The following CTNNA3 variants were observed in gnomAD, a reference collection of about 807,000 sequenced individuals.
The protein encoded by CTNNA3 is catenin alpha 3.
A neutral mutation model predicts 95.7 loss-of-function variants in CTNNA3; 76 were observed. That is an observed-to-expected ratio of 0.79 (90% CI 0.66 to 0.96). CTNNA3 has a LOEUF of 0.96. CTNNA3 is among the 40% of genes least tolerant of loss of function. CTNNA3 has a pLI of 0.00. For missense variants in CTNNA3, 1,191 were observed against 1,089.8 expected, an observed-to-expected ratio of 1.09 and a Z score of -1.31; for synonymous variants, 431 against 374.4, an observed-to-expected ratio of 1.15 and a Z score of -1.74.
intron 7 of CTNNA3, among the ~76,000 whole-genome samples, chr10:66,881,893 G>A (rs1012033483): frequency 3.9e-5 from 6 of 152,046 alleles, no homozygotes; most frequent in East Asian, 1.9e-4. Context: ...GGTAATGTAC[G>A]ATGACAAACT....
chr10:66,992,079 C>A (rs1463903708), intron 7 of CTNNA3, among the ~76,000 whole-genome samples: 1 of 152,120 alleles, frequency 6.6e-6, no homozygotes, highest in Non-Finnish European at 1.5e-5. Context: ...ACTTCCTCAG[C>A]CTTATCAGAT....
intron 14 of CTNNA3, among the ~76,000 whole-genome samples, chr10:66,087,953 T>C (rs1368436850): frequency 6.6e-6 from 1 of 152,120 alleles, no homozygotes; most frequent in Non-Finnish European, 1.5e-5. Flanking sequence ...GCTTTAATAA[T>C]GTATGCTTCA....
At chr10:66,541,066 G>A (rs1320324930) in intron 10 of CTNNA3, among the ~76,000 whole-genome samples, 1 of 152,008 alleles carries the variant, frequency 6.6e-6, no homozygotes, top group Non-Finnish European at 1.5e-5. Flanking sequence ...AAAAAAACCT[G>A]TTAATAATAA....
At chr10:66,779,883 AG>A (rs1219934210) in intron 7 of CTNNA3, among the ~76,000 whole-genome samples, 1 of 152,198 alleles carries the variant, frequency 6.6e-6, no homozygotes, top group Non-Finnish European at 1.5e-5. Context: ...GCTGCCTTTC[AG>A]GTGCACAAAT....
chr10:67,278,573 A>G (rs554031159), intron 5 of CTNNA3, among the ~76,000 whole-genome samples: 2 of 152,274 alleles, frequency 1.3e-5, no homozygotes, highest in East Asian at 3.9e-4. Context: ...ACCAAGTTTT[A>G]TTGTGCAGAG....
chr10:67,153,926 C>A (rs1564928123), intron 7 of CTNNA3, among the ~76,000 whole-genome samples: 1 of 151,784 alleles, frequency 6.6e-6, no homozygotes, highest in Non-Finnish European at 1.5e-5. Flanking sequence ...ATTCAAGGAA[C>A]AAAAAGTAGA....
intron 2 of CTNNA3, among the ~76,000 whole-genome samples, chr10:67,617,676 C>T (rs1843696433): frequency 1.3e-5 from 2 of 151,808 alleles, no homozygotes; most frequent in East Asian, 1.9e-4. Context: ...GAGGAACTGC[C>T]GCACTGTTTT....
rs149336706 is a variant in CTNNA3 at position 67,706,616 on chromosome 10, G to A, written c.-2+56818C>T. Among the ~76,000 whole-genome samples the A allele has an allele frequency of 6.4e-3, 972 of 152,182 alleles. 11 individuals carry two copies. Among genetic ancestry groups the A allele is most frequent in the African/African-American group, 0.022 (926 of 41,520 alleles). On this transcript the variant is annotated intron_variant, in intron 1 of 17. Transcript: ENST00000684154. ...GTCAGTGCTGGGGGAAAGGGAGGGA[G>A]ATTTAAATTAGAATGAAATGGAAGT...
At chr10:66,409,619 G>A (rs16923048) in intron 11 of CTNNA3, among the ~76,000 whole-genome samples, 2,411 of 152,128 alleles carry the variant, frequency 0.016, 65 homozygotes, top group African/African-American at 0.056. Flanking sequence ...AGAACTCAAC[G>A]GATATACTCT....
At chr10:66,961,730 T>C (rs1343720007) in intron 7 of CTNNA3, among the ~76,000 whole-genome samples, 1 of 152,144 alleles carries the variant, frequency 6.6e-6, no homozygotes, top group Admixed American at 6.5e-5. Context: ...ATATTAAGTT[T>C]GAAATGTCTA....
chr10:67,129,857 C>T (rs1343801512), intron 7 of CTNNA3, among the ~76,000 whole-genome samples: 29 of 152,016 alleles, frequency 1.9e-4, no homozygotes, highest in Admixed American at 1.9e-3. Context: ...ATGTGGCCAC[C>T]ATGATTGTGA....
intron 7 of CTNNA3, among the ~76,000 whole-genome samples, chr10:66,809,709 A>G (rs975483708): frequency 2.1e-4 from 32 of 152,146 alleles, no homozygotes; most frequent in African/African-American, 7.5e-4. Context: ...TCTTAATATT[A>G]TATGATGGTT....
chr10:67,173,874 T>C (rs979844032), intron 7 of CTNNA3, among the ~76,000 whole-genome samples: 2 of 152,186 alleles, frequency 1.3e-5, no homozygotes, highest in Non-Finnish European at 2.9e-5. Flanking sequence ...GTTGGAACAA[T>C]CCACAAAGTG....
At chr10:66,240,313 T>G (rs2132036434) in intron 13 of CTNNA3, among the ~76,000 whole-genome samples, 1 of 152,200 alleles carries the variant, frequency 6.6e-6, no homozygotes, top group African/African-American at 2.4e-5. Flanking sequence ...AACATTAACT[T>G]ATGTAAACGG....
intron 7 of CTNNA3, among the ~76,000 whole-genome samples, chr10:67,152,810 G>A (rs559437157): frequency 6.6e-6 from 1 of 152,222 alleles, no homozygotes; most frequent in African/African-American, 2.4e-5. Flanking sequence ...GCTTATAGCT[G>A]TCTTTCCAGA....
intron 13 of CTNNA3, among the ~76,000 whole-genome samples, chr10:66,201,045 A>G (rs1277442374): frequency 6.6e-6 from 1 of 152,192 alleles, no homozygotes; most frequent in Non-Finnish European, 1.5e-5. Context: ...ACTTCATAAC[A>G]GCACTTATCA....
chr10:66,536,908 G>T (rs1424565655), intron 10 of CTNNA3, among the ~76,000 whole-genome samples: 1 of 151,998 alleles, frequency 6.6e-6, no homozygotes, highest in Non-Finnish European at 1.5e-5. Flanking sequence ...ATATAGGAAG[G>T]AATTTTATGT....
chr10:67,658,157 C>T (rs1840079509), intron 1 of CTNNA3, among the ~76,000 whole-genome samples: 1 of 152,174 alleles, frequency 6.6e-6, no homozygotes, highest in Non-Finnish European at 1.5e-5. Flanking sequence ...GGGTGAGAAT[C>T]CAGGCTCTGT....
At chr10:65,982,527 A>G (rs926456211) in intron 16 of CTNNA3, among the ~76,000 whole-genome samples, 1 of 114,502 alleles carries the variant, frequency 8.7e-6, no homozygotes, top group Non-Finnish European at 1.8e-5. Context: ...AAAAAAAGGC[A>G]TTATACGAAA....
Sources: allele counts gnomAD v4.1 joint callset (sites outside exome capture counted in the v4.1 genomes callset), GRCh38; gene constraint gnomAD v4.1.1; transcripts MANE v1.5; gene names NCBI Gene and HGNC (gene_info 2026-07-23, HGNC 2026-07-21).